Variants in TMEM132D observed in about 807,000 individuals in gnomAD.
TMEM132D encodes the protein transmembrane protein 132D.
A neutral mutation model predicts 62.3 loss-of-function variants in TMEM132D; 21 were observed. That is an observed-to-expected ratio of 0.34 (90% CI 0.24 to 0.49). The LOEUF is 0.49. Among genes scored for constraint, TMEM132D ranks in the 20% least tolerant of loss-of-function variants. The probability of loss-of-function intolerance (pLI) is 0.99; values close to 1 mark genes in which losing one functional copy is unlikely to be tolerated. For missense variants in TMEM132D, 1,346 were observed against 1,402.8 expected, an observed-to-expected ratio of 0.96 and a Z score of 0.65; for synonymous variants, 621 against 575.6, an observed-to-expected ratio of 1.08 and a Z score of -1.13.
intron 1 of TMEM132D, among the ~76,000 whole-genome samples, chr12:129,788,036 T>C (rs1027941451): frequency 6.6e-6 from 1 of 152,188 alleles, no homozygotes; most frequent in Non-Finnish European, 1.5e-5. Context: ...CCAGGCATCC[T>C]GGCCCAACCA....
intron 3 of TMEM132D, among the ~76,000 whole-genome samples, chr12:129,398,949 A>G (rs1871516734): frequency 6.6e-6 from 1 of 152,152 alleles, no homozygotes; most frequent in African/African-American, 2.4e-5. Flanking sequence ...TAATAAATAG[A>G]AATCTATTTG....
intron 5 of TMEM132D, among the ~76,000 whole-genome samples, chr12:129,089,348 C>T (rs1372651634): frequency 1.8e-5 from 1 of 55,420 alleles, no homozygotes; most frequent in Non-Finnish European, 3.0e-5. Flanking sequence ...GGATGTCCTC[C>T]ATGACCGGGG....
At chr12:129,654,772 A>G (rs1880028215) in intron 2 of TMEM132D, among the ~76,000 whole-genome samples, 1 of 152,196 alleles carries the variant, frequency 6.6e-6, no homozygotes, top group Non-Finnish European at 1.5e-5. Flanking sequence ...CTCAAGAGCT[A>G]GTCAAAGACT....
intron 2 of TMEM132D, among the ~76,000 whole-genome samples, chr12:129,591,597 C>T (rs1878192528): frequency 6.6e-6 from 1 of 150,724 alleles, no homozygotes; most frequent in Non-Finnish European, 1.5e-5. Flanking sequence ...ATTCACTCAA[C>T]ATATATTTAT....
chr12:129,412,111 C>A (rs1164981326), intron 3 of TMEM132D, among the ~76,000 whole-genome samples: 7 of 151,682 alleles, frequency 4.6e-5, no homozygotes, highest in Non-Finnish European at 8.8e-5. Context: ...ATTTCAAAGC[C>A]ACTTTAAAAA....
At chr12:129,485,768 G>T (rs1365261400) in intron 3 of TMEM132D, among the ~76,000 whole-genome samples, 1 of 152,194 alleles carries the variant, frequency 6.6e-6, no homozygotes, top group Non-Finnish European at 1.5e-5. Flanking sequence ...CAGGTTCAAA[G>T]GCAGAATCTG....
rs536212509 is a variant in TMEM132D, at chr12:129,452,260, G to A, written c.1115+78799C>T. ...AAAAATGAATAACATGCCGAACACC[G>A]GAAGAAAGGCATTTCTCTGTTAATT... On this transcript the variant is annotated intron_variant, in intron 3 of 8. Coordinates refer to ENST00000422113, the MANE Select transcript of TMEM132D (RefSeq NM_133448.3). 4.6e-5 allele frequency among the ~76,000 whole-genome samples: 7 copies of A among 152,290 alleles called. No individual in the cohort carries two copies. In the East Asian group the frequency reaches 7.7e-4, roughly 17 times the overall value.
intron 2 of TMEM132D, among the ~76,000 whole-genome samples, chr12:129,667,338 T>A (rs1880401222): frequency 1.3e-5 from 2 of 152,190 alleles, no homozygotes; most frequent in South Asian, 4.1e-4. Context: ...TTTTCTATAA[T>A]GTTAAAAGAT....
intron 2 of TMEM132D, among the ~76,000 whole-genome samples, chr12:129,656,021 T>C (rs7295902): frequency 0.68 from 103,852 of 152,002 alleles, 35,700 homozygotes; most frequent in East Asian, 0.88. Flanking sequence ...TCACCAAGCC[T>C]TCATCAAACC....
At chr12:129,325,959 T>C (rs1868894873) in intron 4 of TMEM132D, among the ~76,000 whole-genome samples, 1 of 152,152 alleles carries the variant, frequency 6.6e-6, no homozygotes, top group Non-Finnish European at 1.5e-5. Context: ...TTAAGAAAGA[T>C]GAAGGAAGAC....
chr12:129,241,248 T>C (rs1879930505), intron 4 of TMEM132D, among the ~76,000 whole-genome samples: 1 of 151,368 alleles, frequency 6.6e-6, no homozygotes, highest in Admixed American at 6.6e-5. Context: ...GAGAAAAATA[T>C]TTGCAAACTA....
intron 3 of TMEM132D, among the ~76,000 whole-genome samples, chr12:129,436,437 T>G (rs1872789394): frequency 6.6e-6 from 1 of 152,150 alleles, no homozygotes; most frequent in Non-Finnish European, 1.5e-5. Flanking sequence ...GATAATATGG[T>G]CTTATTTGTA....
At chr12:129,376,615 T>A (rs146357306) in intron 3 of TMEM132D, among the ~76,000 whole-genome samples, 28 of 152,296 alleles carry the variant, frequency 1.8e-4, no homozygotes, top group Non-Finnish European at 3.7e-4. Context: ...TACCTCAGTA[T>A]GTGATGACTT....
intron 1 of TMEM132D, among the ~76,000 whole-genome samples, chr12:129,755,223 C>G (rs1870126533): frequency 6.6e-6 from 1 of 152,196 alleles, no homozygotes; most frequent in Non-Finnish European, 1.5e-5. Context: ...AGATCAGTAT[C>G]ATATTCCTTT....
chr12:129,165,832 G>GT (rs1476749157), intron 5 of TMEM132D, among the ~76,000 whole-genome samples: 4 of 152,292 alleles, frequency 2.6e-5, no homozygotes, highest in Non-Finnish European at 5.9e-5. Context: ...TTTCCTTTGT[G>GT]TAAGTATAGA....
chr12:129,316,018 G>A (rs1395656961), intron 4 of TMEM132D, among the ~76,000 whole-genome samples: 1 of 152,044 alleles, frequency 6.6e-6, no homozygotes, highest in Non-Finnish European at 1.5e-5. Context: ...GAAGTTATTT[G>A]GATTTTCTCG....
At chr12:129,133,117 C>T (rs1876429298) in intron 5 of TMEM132D, among the ~76,000 whole-genome samples, 1 of 152,190 alleles carries the variant, frequency 6.6e-6, no homozygotes, top group African/African-American at 2.4e-5. Flanking sequence ...CTCCCTAATC[C>T]TTCTTGCTTC....
intron 1 of TMEM132D, among the ~76,000 whole-genome samples, chr12:129,873,092 G>A (rs1283837013): frequency 6.6e-6 from 1 of 152,176 alleles, no homozygotes; most frequent in African/African-American, 2.4e-5. Flanking sequence ...ATTACAAAAA[G>A]AAAGGTAGGG....
intron 1 of TMEM132D, among the ~76,000 whole-genome samples, chr12:129,784,707 A>T (rs1871208818): frequency 6.6e-6 from 1 of 152,162 alleles, no homozygotes; most frequent in South Asian, 2.1e-4. Context: ...AGCAGGAAGC[A>T]TCCCCTGGGT....
Sources: gnomAD v4.1 joint callset for allele counts (sites outside exome capture counted in the v4.1 genomes callset) on GRCh38, gnomAD v4.1.1 for gene constraint, MANE v1.5 for transcripts, NCBI Gene and HGNC (gene_info 2026-07-23, HGNC 2026-07-21) for gene names.